MAP3K8: variants seen among roughly 807,000 people sequenced by gnomAD.
MAP3K8 encodes the protein Ewing sarcoma transformant.
A neutral mutation model predicts 45.8 loss-of-function variants in MAP3K8; 22 were observed. The observed-to-expected ratio is 0.48, with a 90% CI of 0.34 to 0.69. MAP3K8 has a LOEUF of 0.69. Ranked by LOEUF, MAP3K8 falls within the 30% of genes least tolerant of loss-of-function variation. The pLI is 0.01. For synonymous variants in MAP3K8, 223 were observed against 214.3 expected, an observed-to-expected ratio of 1.04 and a Z score of -0.36; for missense variants, 419 against 585.0, an observed-to-expected ratio of 0.72 and a Z score of 2.93.
chr10:30,452,127 A>G (rs1836561632), intron 6 of MAP3K8, among the ~76,000 whole-genome samples: 3 of 151,900 alleles, frequency 2.0e-5, no homozygotes, highest in South Asian at 4.2e-4. Flanking sequence ...TGAGCCCAGG[A>G]CTTTGAGACA....
intron 3 of MAP3K8, 143 bp downstream of exon 3, chr10:30,439,417 T>A (rs1836023008): frequency 1.4e-6 from 2 of 1,389,148 alleles, no homozygotes; most frequent in Admixed American, 5.9e-5. Flanking sequence ...AAGAAGTACT[T>A]CCATGTTAAA....
intron 1 of MAP3K8, among the ~76,000 whole-genome samples, chr10:30,435,733 A>C (rs750874439): frequency 2.0e-5 from 3 of 152,154 alleles, no homozygotes; most frequent in Non-Finnish European, 4.4e-5. Context: ...TTGTAGAGAC[A>C]GGGTTTCACC....
At chr10:30,458,305 G>GGAGGGACTGCTCT in intron 7 of MAP3K8, 69 bp downstream of exon 7, 1 of 1,151,102 alleles carries the variant, frequency 8.7e-7, no homozygotes, top group Non-Finnish European at 1.2e-6. Context: ...CGCAGGCTTG[G>GGAGGGACTGCTCT]GAGGGACTGC....
intron 3 of MAP3K8, among the ~76,000 whole-genome samples, chr10:30,441,510 A>G (rs1013629085): frequency 1.3e-5 from 2 of 152,190 alleles, no homozygotes; most frequent in African/African-American, 4.8e-5. Flanking sequence ...GATCTTGAAA[A>G]ACTTTAAAAA....
chr10:30,460,166 C>G (rs1836885296), intron 8 of MAP3K8, among the ~76,000 whole-genome samples: 1 of 152,142 alleles, frequency 6.6e-6, no homozygotes, highest in South Asian at 2.1e-4. Flanking sequence ...TTAAGCCACC[C>G]CAGTCCTTGG....
At chr10:30,453,967 A>G (rs1429845866) in intron 6 of MAP3K8, among the ~76,000 whole-genome samples, 2 of 144,808 alleles carry the variant, frequency 1.4e-5, no homozygotes, top group East Asian at 3.9e-4. Flanking sequence ...AGAAAGAAAA[A>G]GGAAGGAAGG....
intron 3 of MAP3K8, among the ~76,000 whole-genome samples, chr10:30,441,948 A>C (rs549481377): frequency 2.6e-5 from 4 of 152,292 alleles, no homozygotes; most frequent in African/African-American, 9.6e-5. Context: ...ACTGGGCTTC[A>C]TTTGCTGCTC....
intron 3 of MAP3K8, among the ~76,000 whole-genome samples, chr10:30,446,241 T>G (rs1286861177): frequency 2.0e-5 from 3 of 152,040 alleles, no homozygotes; most frequent in Non-Finnish European, 2.9e-5. Flanking sequence ...TTTAATAGTT[T>G]CACAATTCCT....
chr10:30,450,169 GC>G (rs1836487061), intron 4 of MAP3K8, 88 bp from the exon 5 acceptor site: 1 of 1,273,146 alleles, frequency 7.9e-7, no homozygotes, highest in Admixed American at 2.3e-5. Flanking sequence ...GCATTTATTT[GC>G]CTTTTGTTTT....
Position 30,439,129 on chromosome 10 carries a change from T to C in MAP3K8, c.191T>C (p.Leu64Pro). ...NQNDERSKSL[L>P]LSGQEVPWLS... ...AACGATGAGCGTTCTAAGTCTCTGCTGCTTAGTGGCCAAGAGGTACCATGG... is the reference window on the plus strand; with the variant it reads ...AACGATGAGCGTTCTAAGTCTCTGCCGCTTAGTGGCCAAGAGGTACCATGG... Residue 64 changes from leucine to proline, a missense_variant, in exon 3 of 9, where the codon CTG becomes CCG. Leu to Pro is a moderately conservative substitution (Grantham distance 98). Coordinates refer to ENST00000263056, the MANE Select transcript of MAP3K8 (RefSeq NM_005204.4). The C allele has an allele frequency of 6.2e-7, 1 of 1,614,256 alleles. No homozygotes were observed. Among genetic ancestry groups the C allele is most frequent in the South Asian group, 1.1e-5 (1 of 91,090 alleles).
intron 6 of MAP3K8, among the ~76,000 whole-genome samples, 165 bp downstream of exon 6, chr10:30,451,909 G>A (rs182951612): frequency 1.3e-5 from 2 of 152,092 alleles, no homozygotes; most frequent in Non-Finnish European, 1.5e-5. Flanking sequence ...TCTGTGTCAA[G>A]TACTAAGTTT....
rs1165417899 is a variant in MAP3K8, at chr10:30,460,833, C to G, written c.1401C>G (p.Gly467=). The G allele has an allele frequency of 6.2e-7, 1 of 1,613,440 alleles. No individual in the cohort carries two copies. The highest frequency in any genetic ancestry group is 8.5e-7 in the Non-Finnish European group (1 of 1,179,970). Residue 467 remains glycine (G), a synonymous_variant, in exon 9 of 9, where the codon GGC becomes GGG. Transcript: ENST00000263056. ...GGGGACCACCAACGCTTGAATATGG[C>G]TGAAGGATGCCATGTTTGCTCTAAA... ...LVRGPPTLEY[G] is the part of the protein sequence containing the mutation.
intron 3 of MAP3K8, among the ~76,000 whole-genome samples, chr10:30,446,096 T>C (rs780407789): frequency 2.6e-5 from 4 of 152,226 alleles, no homozygotes; most frequent in Non-Finnish European, 5.9e-5. Flanking sequence ...TCTCACTGTG[T>C]CACCCAGACT....
chr10:30,458,175 C>T lies in MAP3K8; in HGVS notation c.965C>T (p.Thr322Met), dbSNP rs747527547. The stretch of plus-strand genomic sequence containing the variant: ...GGGGCCACGCTCATCCACATGCAGA[C>T]GGGCACCCCACCCTGGGTGAAGCGC... ...SLGATLIHMQ[T>M]GTPPWVKRYP... The change falls in exon 7 of 9, where the codon ACG (threonine) becomes ATG (methionine). Residue 322 changes from threonine (T) to methionine (M), a missense_variant. Around this residue, in one of 3 missense-constraint regions of MAP3K8, gnomAD observed 209 missense variants for 367.3 expected, o/e 0.57. Transcript: ENST00000263056. 5 of 1,580,770 alleles carry T rather than the reference C, an allele frequency of 3.2e-6. No homozygotes were observed. Among genetic ancestry groups the T allele is most frequent in the Admixed American group, 1.8e-5 (1 of 56,018 alleles).
At chr10:30,443,275 T>C (rs1836177982) in intron 3 of MAP3K8, among the ~76,000 whole-genome samples, 1 of 152,188 alleles carries the variant, frequency 6.6e-6, no homozygotes, top group South Asian at 2.1e-4. Context: ...TGACACTCCA[T>C]AGAGTTGATA....
At chr10:30,449,673 C>A (rs548913299) in intron 4 of MAP3K8, among the ~76,000 whole-genome samples, 111 of 152,216 alleles carry the variant, frequency 7.3e-4, no homozygotes, top group African/African-American at 2.6e-3. Flanking sequence ...CAATGCCTGG[C>A]AAATTTTTGT....
intron 8 of MAP3K8, among the ~76,000 whole-genome samples, chr10:30,459,842 T>A (rs1274793992): frequency 1.3e-5 from 2 of 151,382 alleles, no homozygotes; most frequent in African/African-American, 4.9e-5. Flanking sequence ...CTTAACTCAC[T>A]TTTTTTTTCT....
In MAP3K8 at chr10:30,437,279, C is replaced by T. The variant is rs1835944933; in HGVS notation, c.-151C>T. On this transcript the variant is annotated 5_prime_UTR_variant, in exon 2 of 9. Transcript: ENST00000263056. Reference sequence around the variant, plus strand: ...AGTATCTGCAAAGCCAGGAGTCTGACTCAGTACTTTTCTCACTCATGCATA... The same window carrying T: ...AGTATCTGCAAAGCCAGGAGTCTGATTCAGTACTTTTCTCACTCATGCATA... 1.0e-6 allele frequency: 1 copy of T among 985,288 alleles called. No homozygotes were observed. Among genetic ancestry groups the T allele is most frequent in the Admixed American group, 6.1e-5 (1 of 16,264 alleles). The allele number at this position is 985,288 out of a possible 1,614,324, so 61.0% of individuals were successfully genotyped here. A position where few individuals can be genotyped will look rare whatever the true frequency, so the allele number is the denominator to read the frequency against.
chr10:30,456,956 T>C (rs1836751791), intron 6 of MAP3K8, among the ~76,000 whole-genome samples: 2 of 152,102 alleles, frequency 1.3e-5, no homozygotes, highest in Admixed American at 6.5e-5. Context: ...TGGTAGCACA[T>C]GCCTGTAATC....
Sources: allele counts gnomAD v4.1 joint callset (sites outside exome capture counted in the v4.1 genomes callset), GRCh38; gene constraint gnomAD v4.1.1; regional missense constraint gnomAD v4.1.1; transcripts MANE v1.5; gene names NCBI Gene and HGNC (gene_info 2026-07-23, HGNC 2026-07-21).